Variants in MYZAP observed in about 807,000 individuals in gnomAD.
MYZAP encodes the protein GRINL1A complex locus upstream.
MYZAP carries 66 observed loss-of-function variants against 69.4 expected under a neutral mutation model. The ratio of observed to expected loss-of-function variants is 0.95; its 90% CI spans 0.78 to 1.17. The LOEUF (loss-of-function observed/expected upper bound fraction) is 1.17, where lower values mean the gene tolerates loss of function less well. Ranked by LOEUF, MYZAP falls within the 50% of genes most tolerant of loss-of-function variation. The pLI is 0.00. For missense variants in MYZAP, 611 were observed against 556.2 expected (o/e 1.10, Z -0.99); for synonymous variants, 256 against 205.9 (o/e 1.24, Z -2.09).
intron 1 of MYZAP, among the ~76,000 whole-genome samples, chr15:57,600,270 A>G (rs2034326967): frequency 6.6e-6 from 1 of 152,234 alleles, no homozygotes; most frequent in Admixed American, 6.5e-5. Context: ...AAGAAAAACT[A>G]GCTTTGCTCC....
intron 1 of MYZAP, among the ~76,000 whole-genome samples, chr15:57,595,582 G>A (rs977616522): frequency 5.5e-5 from 8 of 144,284 alleles, no homozygotes; most frequent in Admixed American, 4.8e-4. Context: ...GCACACAACC[G>A]GGTCACACAA....
intron 1 of MYZAP, among the ~76,000 whole-genome samples, chr15:57,598,638 T>G (rs1334647495): frequency 6.6e-6 from 1 of 152,246 alleles, no homozygotes. Context: ...AATGTTAGTC[T>G]CTTCCTCCAA....
intron 5 of MYZAP, among the ~76,000 whole-genome samples, chr15:57,628,196 G>A (rs1418893731): frequency 6.6e-6 from 1 of 152,180 alleles, no homozygotes; most frequent in African/African-American, 2.4e-5. Flanking sequence ...ATTCTGTGGA[G>A]GCCATTTATC....
intron 2 of MYZAP, among the ~76,000 whole-genome samples, chr15:57,613,839 G>C (rs1348546829): frequency 6.6e-6 from 1 of 152,130 alleles, no homozygotes; most frequent in Non-Finnish European, 1.5e-5. Flanking sequence ...TACATCATCT[G>C]TATCTCAGCA....
intron 10 of MYZAP, chr15:57,646,151 G>A (rs115317442): frequency 7.8e-7 from 1 of 1,289,366 alleles, no homozygotes; most frequent in Non-Finnish European, 1.0e-6. Context: ...TGTCGCACGA[G>A]CTCTTCTCCA....
intron 1 of MYZAP, among the ~76,000 whole-genome samples, chr15:57,602,020 A>G (rs917083911): frequency 3.3e-5 from 5 of 152,032 alleles, no homozygotes; most frequent in Non-Finnish European, 5.9e-5. Flanking sequence ...GGTTGGTGCC[A>G]CCTGTCAGGT....
intron 11 of MYZAP, 55 bp from the exon 12 acceptor site, chr15:57,674,913 A>G (rs1487058899): frequency 6.8e-7 from 1 of 1,478,048 alleles, no homozygotes; most frequent in Non-Finnish European, 9.3e-7. Flanking sequence ...TATCATGCAT[A>G]TTTGAGGGGG....
At chr15:57,640,307 G>A (rs1004757292) in intron 10 of MYZAP, among the ~76,000 whole-genome samples, 26 of 152,116 alleles carry the variant, frequency 1.7e-4, no homozygotes, top group African/African-American at 5.8e-4. Context: ...TATTATTGTA[G>A]TTTTCTTCTT....
At chr15:57,641,039 G>T (rs936610751) in intron 10 of MYZAP, among the ~76,000 whole-genome samples, 1 of 152,160 alleles carries the variant, frequency 6.6e-6, no homozygotes, top group Non-Finnish European at 1.5e-5. Context: ...AATTTCACAC[G>T]CACGAAGTCT....
At chr15:57,635,203 G>T (rs560607746) in intron 8 of MYZAP, among the ~76,000 whole-genome samples, 4 of 152,180 alleles carry the variant, frequency 2.6e-5, no homozygotes, top group African/African-American at 9.7e-5. Context: ...CTCCACTTCT[G>T]TAAAATGCTG....
At chr15:57,674,187 G>A (rs1052231854) in intron 11 of MYZAP, among the ~76,000 whole-genome samples, 5 of 151,858 alleles carry the variant, frequency 3.3e-5, no homozygotes, top group Admixed American at 2.6e-4. Flanking sequence ...CCAGCACTTC[G>A]TCTATTTTCA....
At chr15:57,683,825 GCT>G (rs1408207868) in intron 12 of MYZAP, among the ~76,000 whole-genome samples, 2 of 150,708 alleles carry the variant, frequency 1.3e-5, no homozygotes, top group Non-Finnish European at 3.0e-5. Flanking sequence ...ATGGAATTTA[GCT>G]CTTGTTGCCC....
chr15:57,596,959 C>T (rs1306988767), intron 1 of MYZAP, among the ~76,000 whole-genome samples: 1 of 152,108 alleles, frequency 6.6e-6, no homozygotes, highest in Non-Finnish European at 1.5e-5. Context: ...GGCTTAGGAA[C>T]CACCCCTCCC....
chr15:57,675,320 C>T (rs1567241377), intron 12 of MYZAP, among the ~76,000 whole-genome samples: 1 of 152,058 alleles, frequency 6.6e-6, no homozygotes, highest in Non-Finnish European at 1.5e-5. Context: ...TGAGTGAATG[C>T]ATTTGTTCCT....
intron 2 of MYZAP, among the ~76,000 whole-genome samples, chr15:57,606,723 T>TATA (rs3051227): frequency 0.34 from 51,536 of 151,536 alleles, 8,954 homozygotes; most frequent in East Asian, 0.55. Flanking sequence ...AAACTTAAAG[T>TATA]ATAATAATAA....
At chr15:57,674,923 G>A (rs779057792) in intron 11 of MYZAP, 45 bp from the exon 12 acceptor site, 7 of 1,524,042 alleles carry the variant, frequency 4.6e-6, no homozygotes, top group South Asian at 1.2e-5. Flanking sequence ...ATTTGAGGGG[G>A]AACATATTTG....
At chr15:57,612,546 T>C (rs1473875543) in intron 2 of MYZAP, among the ~76,000 whole-genome samples, 1 of 152,252 alleles carries the variant, frequency 6.6e-6, no homozygotes, top group African/African-American at 2.4e-5. Context: ...GTACCAGAGA[T>C]AGAGCAGTGA....
chr15:57,673,008 C>T (rs1173912415), intron 11 of MYZAP, among the ~76,000 whole-genome samples: 2 of 152,200 alleles, frequency 1.3e-5, no homozygotes, highest in African/African-American at 4.8e-5. Flanking sequence ...ATTTCTTTAA[C>T]TTCTAACTCT....
chr15:57,594,259 G>A (rs1233919406), intron 1 of MYZAP, among the ~76,000 whole-genome samples: 3 of 152,176 alleles, frequency 2.0e-5, no homozygotes, highest in Non-Finnish European at 4.4e-5. Context: ...GGGACTACAG[G>A]CGCACACCAC....
Sources: allele counts gnomAD v4.1 joint callset (sites outside exome capture counted in the v4.1 genomes callset), GRCh38; gene constraint gnomAD v4.1.1; transcripts MANE v1.5; gene names NCBI Gene and HGNC (gene_info 2026-07-23, HGNC 2026-07-21).